The following GLYR1 variants were observed in gnomAD, a reference collection of about 807,000 sequenced individuals.
GLYR1 encodes the protein cytokine-like nuclear factor N-PAC.
Under a neutral mutation model 72.7 loss-of-function variants are expected in GLYR1, and 21 were observed. The ratio of observed to expected loss-of-function variants is 0.29; its 90% CI spans 0.20 to 0.42. The LOEUF is 0.42. Among genes scored for constraint, GLYR1 ranks in the 10% least tolerant of loss-of-function variants. GLYR1 has a pLI of 1.00. For synonymous variants in GLYR1, 392 were observed against 270.2 expected (o/e 1.45, Z -4.42); for missense variants, 594 against 712.1 (o/e 0.83, Z 1.89).
intron 15 of GLYR1, among the ~76,000 whole-genome samples, chr16:4,810,194 G>C (rs930504859): frequency 6.6e-6 from 1 of 152,034 alleles, no homozygotes. Flanking sequence ...CCACTTTAAA[G>C]GGTTTGAAAA....
chr16:4,809,195 T>G lies in GLYR1; in HGVS notation c.1587+1975A>C, dbSNP rs868490140. ...AAGGCTGTAGCAGCTTTCGTTTTTT[T>G]TTTTTTTTTTTTGCGATGGAGTCTC... On this transcript the variant is annotated intron_variant, in intron 15 of 15. Coordinates refer to ENST00000321919, the MANE Select transcript of GLYR1 (RefSeq NM_032569.4). 1.6e-4 allele frequency among the ~76,000 whole-genome samples: 22 copies of G among 141,822 alleles called. 1 individual carries two copies. In the East Asian group the frequency reaches 3.2e-3, roughly 21 times the overall value. The allele number at this position is 141,822 out of a possible 152,430, so 93.0% of individuals were successfully genotyped here.
At chr16:4,844,469 G>A (rs1596425130) in intron 3 of GLYR1, among the ~76,000 whole-genome samples, 1 of 152,158 alleles carries the variant, frequency 6.6e-6, no homozygotes, top group Non-Finnish European at 1.5e-5. Flanking sequence ...ACTGAACATG[G>A]CTTTTATAAA....
intron 3 of GLYR1, chr16:4,843,419 T>G: frequency 8.6e-7 from 1 of 1,165,694 alleles, no homozygotes; most frequent in Non-Finnish European, 1.1e-6. Flanking sequence ...CCTCCCAAAG[T>G]ACTGGGATTG....
chr16:4,841,432 G>A (rs1212695256), intron 3 of GLYR1, among the ~76,000 whole-genome samples: 2 of 95,224 alleles, frequency 2.1e-5, no homozygotes, highest in East Asian at 7.1e-4. Context: ...ACCAGCCTGG[G>A]AAACATGGCG....
intron 7 of GLYR1, 145 bp downstream of exon 7, chr16:4,822,730 G>T (rs1305138976): frequency 2.9e-6 from 2 of 681,686 alleles, no homozygotes; most frequent in African/African-American, 3.6e-5. Flanking sequence ...CTCATTAGCG[G>T]GCCCATATGG....
chr16:4,841,861 C>G (rs1486790219), intron 3 of GLYR1, among the ~76,000 whole-genome samples: 2 of 152,176 alleles, frequency 1.3e-5, no homozygotes, highest in Non-Finnish European at 2.9e-5. Flanking sequence ...CAGCTTAATG[C>G]CAATTGTTCA....
At chr16:4,809,777 A>T (rs947474820) in intron 15 of GLYR1, among the ~76,000 whole-genome samples, 10 of 151,774 alleles carry the variant, frequency 6.6e-5, no homozygotes, top group African/African-American at 2.2e-4. Context: ...TACAAAAATC[A>T]GTTGTGTATG....
intron 1 of GLYR1, chr16:4,847,010 A>C: frequency 7.2e-6 from 4 of 555,370 alleles, no homozygotes; most frequent in Non-Finnish European, 1.3e-5. Context: ...GGCCTCGGGG[A>C]TCAAAGCCGG....
intron 9 of GLYR1, among the ~76,000 whole-genome samples, chr16:4,820,724 A>G (rs1375386081): frequency 1.3e-5 from 2 of 152,256 alleles, no homozygotes; most frequent in African/African-American, 4.8e-5. Context: ...GCTCCAGAGA[A>G]CGTGTTTTCC....
chr16:4,810,758 C>T (rs2141950938), intron 15 of GLYR1, among the ~76,000 whole-genome samples: 1 of 139,986 alleles, frequency 7.1e-6, no homozygotes, highest in South Asian at 2.2e-4. Context: ...TGGCAAGAGC[C>T]TGAGGCGACA....
chr16:4,846,511 C>G (rs927123090), intron 1 of GLYR1, among the ~76,000 whole-genome samples: 2 of 152,370 alleles, frequency 1.3e-5, no homozygotes, highest in South Asian at 2.1e-4. Context: ...TAAACACAGA[C>G]TTTCCCTCCC....
rs1328512084 is a variant in GLYR1 at position 4,804,687 on chromosome 16, C to T, written c.*549G>A. ...AGCTCATCACCTGAGGTTGGAGGGC[C>T]CCAAGGGCCCCTCTGTCTGGAGTCT... On this transcript the variant is annotated 3_prime_UTR_variant, in exon 16 of 16. Coordinates refer to ENST00000321919, the MANE Select transcript of GLYR1 (RefSeq NM_032569.4). 1 of 159,124 alleles carries T rather than the reference C, an allele frequency of 6.3e-6. No homozygotes were observed. The highest frequency in any genetic ancestry group is 2.4e-5 in the African/African-American group (1 of 41,562). The allele number at this position is 159,124 out of a possible 1,614,324, so 9.9% of individuals were successfully genotyped here.
intron 1 of GLYR1, chr16:4,846,723 G>A (rs544306919): frequency 1.3e-5 from 3 of 232,770 alleles, no homozygotes; most frequent in East Asian, 1.3e-4. Context: ...CGGTTGTAAA[G>A]GAGAAGTCCC....
chr16:4,827,691 G>C (rs1463469354), intron 5 of GLYR1, among the ~76,000 whole-genome samples: 1 of 152,126 alleles, frequency 6.6e-6, no homozygotes, highest in African/African-American at 2.4e-5. Flanking sequence ...ATGAGGTCAG[G>C]AGATCGACAC....
rs552897258 is a variant in GLYR1, at chr16:4,846,475, C to T, written c.39-265G>A. On this transcript the variant is annotated intron_variant, in intron 1 of 15. Coordinates refer to ENST00000321919, the MANE Select transcript of GLYR1 (RefSeq NM_032569.4). ...TCACTTGTCTAGAGCTTCTTAATGA[C>T]GGGGGTGGGAGGACAGCTTCCTCTG... Among the ~76,000 whole-genome samples, 14 of 152,356 alleles carry T rather than the reference C, an allele frequency of 9.2e-5. No individual in the cohort carries two copies. The East Asian group carries it at 2.7e-3, about 29-fold the overall frequency.
Position 4,830,043 on chromosome 16 carries a change from A to G in GLYR1, c.537+1936T>C, listed in dbSNP as rs541275951. On this transcript the variant is annotated intron_variant, in intron 5 of 15. Coordinates refer to ENST00000321919, the MANE Select transcript of GLYR1 (RefSeq NM_032569.4). ...GGTCTAGAACTCCTGGGCTCAGGGG[A>G]TCCTCCTGCACTGGCCTCCCAAAGT... Among the ~76,000 whole-genome samples the G allele has an allele frequency of 1.4e-3, 212 of 152,028 alleles. 2 individuals are homozygous for G. Among genetic ancestry groups the G allele is most frequent in the Non-Finnish European group, 1.1e-3 (77 of 67,984 alleles).
At chr16:4,834,776 A>G (rs969132612) in intron 3 of GLYR1, among the ~76,000 whole-genome samples, 11 of 152,020 alleles carry the variant, frequency 7.2e-5, no homozygotes, top group African/African-American at 2.7e-4. Context: ...CCAGTGACCA[A>G]CTCATCTTAA....
chr16:4,821,837 G>C (rs527619510), intron 7 of GLYR1, among the ~76,000 whole-genome samples: 49 of 152,280 alleles, frequency 3.2e-4, no homozygotes, highest in African/African-American at 1.1e-3. Context: ...CATAAGCTTG[G>C]AACCCACATC....
At position 4,827,428 on chromosome 16, in the gene GLYR1, C is replaced by T. The variant is rs1467747647; in HGVS notation, c.538-3521G>A. ...CTGTACCACATGCCAGCTCTGTCCT[C>T]TCCTGCTCATACGTCCTTTCACTAT... is the stretch of plus-strand genomic sequence containing the variant. On this transcript the variant is annotated intron_variant, in intron 5 of 15. Coordinates refer to ENST00000321919, the MANE Select transcript of GLYR1 (RefSeq NM_032569.4). Among the ~76,000 whole-genome samples, 3 of 152,210 alleles carry T rather than the reference C, an allele frequency of 2.0e-5. No homozygotes were observed. In the East Asian group the frequency reaches 5.8e-4, roughly 29 times the overall value.
Sources: gnomAD v4.1 joint callset for allele counts (sites outside exome capture counted in the v4.1 genomes callset) on GRCh38, gnomAD v4.1.1 for gene constraint, MANE v1.5 for transcripts, NCBI Gene and HGNC (gene_info 2026-07-23, HGNC 2026-07-21) for gene names.